PITPNM3: variants seen among roughly 807,000 people sequenced by gnomAD.
PITPNM3 encodes the protein membrane-associated phosphatidylinositol transfer protein 3.
A neutral mutation model predicts 102.0 loss-of-function variants in PITPNM3; 26 were observed. That is an observed-to-expected ratio of 0.25 (90% confidence interval 0.19 to 0.35). The LOEUF (loss-of-function observed/expected upper bound fraction) is 0.35, where lower values mean the gene tolerates loss of function less well. Among genes scored for constraint, PITPNM3 ranks in the 10% least tolerant of loss-of-function variants. PITPNM3 has a pLI of 1.00. For missense variants in PITPNM3, 1,083 were observed against 1,346.1 expected, an observed-to-expected ratio of 0.80 and a Z score of 3.06; for synonymous variants, 578 against 558.6, an observed-to-expected ratio of 1.03 and a Z score of -0.49.
At position 6,556,462 on chromosome 17, in the gene PITPNM3, C is replaced by G; in HGVS notation, c.-56G>C. ...GCGCGCTCCTCGCGCTTCCCGGGCC[C>G]GGCCCCGACCGCCTCCGGCCCCGAA... On this transcript the variant is annotated 5_prime_UTR_variant, in exon 1 of 20. Transcript: ENST00000262483. The surrounding 1 kb of genome is among the most constrained non-coding windows in gnomAD (Gnocchi z 5.2). The G allele has an allele frequency of 1.8e-6, 2 of 1,133,910 alleles. No homozygotes were observed. The highest frequency in any genetic ancestry group is 2.2e-6 in the Non-Finnish European group (2 of 927,752). 70.2% of individuals were successfully genotyped at this position (1,133,910 alleles called of 1,614,324 possible). A position where few individuals can be genotyped will look rare whatever the true frequency, so the allele number is the denominator to read the frequency against.
chr17:6,487,294 G>A (rs1906154964), intron 4 of PITPNM3, among the ~76,000 whole-genome samples: 1 of 152,202 alleles, frequency 6.6e-6, no homozygotes, highest in Non-Finnish European at 1.5e-5. Flanking sequence ...GCTACCCCAT[G>A]GGGTGGTGGT....
At chr17:6,516,208 G>C (rs377084363) in intron 3 of PITPNM3, among the ~76,000 whole-genome samples, 1 of 152,126 alleles carries the variant, frequency 6.6e-6, no homozygotes, top group East Asian at 1.9e-4. Context: ...AACCCACCAA[G>C]GACCAAGAAA....
At chr17:6,521,075 G>A (rs949415493) in intron 3 of PITPNM3, 1 of 152,260 alleles carries the variant, frequency 6.6e-6, no homozygotes, top group Non-Finnish European at 1.5e-5. Flanking sequence ...TGGTTGCAGA[G>A]CGATGTGAAT....
In PITPNM3 at chr17:6,556,428, C is replaced by A. The variant is rs1309122765; in HGVS notation, c.-22G>T. 4 of 1,261,960 alleles carry A rather than the reference C, an allele frequency of 3.2e-6. No individual in the cohort carries two copies. In the African/African-American group the frequency reaches 6.3e-5, roughly 20 times the overall value. The allele number at this position is 1,261,960 out of a possible 1,614,324, so 78.2% of individuals were successfully genotyped here. A position where few individuals can be genotyped will look rare whatever the true frequency, so the allele number is the denominator to read the frequency against. On this transcript the variant is annotated 5_prime_UTR_variant, in exon 1 of 20. Transcript: ENST00000262483. The surrounding 1 kb of genome is among the most constrained non-coding windows in gnomAD (Gnocchi z 5.2). ...CCATGTCCCGGGCGGCGGGCTCCGG[C>A]GGCGCTACGCGCGCTCCTCGCGCTT...
chr17:6,492,996 C>T (rs1906587163), intron 4 of PITPNM3, among the ~76,000 whole-genome samples: 1 of 151,940 alleles, frequency 6.6e-6, no homozygotes, highest in Non-Finnish European at 1.5e-5. Context: ...GCTGAAAACA[C>T]CAAGACCAAT....
rs943696359 is a variant in PITPNM3, at chr17:6,515,536, G to A, written c.226+9820C>T. Among the ~76,000 whole-genome samples the A allele has an allele frequency of 3.3e-5, 5 of 152,044 alleles. 1 individual carries two copies. The highest frequency in any genetic ancestry group is 7.4e-5 in the Non-Finnish European group (5 of 68,002). ...TACAAAAAGGTGGGTTTTATGGTAT[G>A]GGAATTATATCTCAACTTCTAAAAA... On this transcript the variant is annotated intron_variant, in intron 3 of 19. Transcript: ENST00000262483.
intron 2 of PITPNM3, among the ~76,000 whole-genome samples, chr17:6,533,557 C>A (rs774091037): frequency 6.6e-6 from 1 of 151,260 alleles, no homozygotes; most frequent in East Asian, 2.0e-4. Flanking sequence ...TGGGTTCAAG[C>A]GATTCTCCTG....
Position 6,451,784 on chromosome 17 carries a change from T to G in PITPNM3, c.*3554A>C, listed in dbSNP as rs1913846192. 4.6e-4 allele frequency: 1 copy of G among 2,186 alleles called. No homozygotes were observed. The highest frequency in any genetic ancestry group is 9.0e-4 in the Non-Finnish European group (1 of 1,108). 0.1% of individuals were successfully genotyped at this position (2,186 alleles called of 1,614,324 possible). Reference sequence around the variant, plus strand: ...CCCTAACTATGATTTTTACGAAGGTTTCCCCCAAGCCCGGAAGGAAAGGAA... The same window carrying G: ...CCCTAACTATGATTTTTACGAAGGTGTCCCCCAAGCCCGGAAGGAAAGGAA... On this transcript the variant is annotated 3_prime_UTR_variant, in exon 20 of 20. Transcript: ENST00000262483.
intron 10 of PITPNM3, among the ~76,000 whole-genome samples, chr17:6,474,199 T>G (rs1221005475): frequency 2.0e-5 from 3 of 151,858 alleles, no homozygotes; most frequent in African/African-American, 7.3e-5. Context: ...CCAGGGGCAC[T>G]TGACATGGAG....
At chr17:6,498,390 G>C (rs16955897) in intron 4 of PITPNM3, among the ~76,000 whole-genome samples, 1 of 152,178 alleles carries the variant, frequency 6.6e-6, no homozygotes, top group African/African-American at 2.4e-5. Flanking sequence ...GAAAGTGGTC[G>C]GGTAAGGTTG....
In PITPNM3 at chr17:6,458,892, G is replaced by A. The variant is rs1027554449; in HGVS notation, c.2491-1170C>T. 1.3e-5 allele frequency among the ~76,000 whole-genome samples: 2 copies of A among 151,748 alleles called. No homozygotes were observed. Among genetic ancestry groups the A allele is most frequent in the Non-Finnish European group, 1.5e-5 (1 of 67,966 alleles). Reference sequence around the variant, plus strand: ...AGAGCTGCTAAAGAAACAGAGCCACGCAGCTCTCACCTTCCATCTTCTTCC... The same window carrying A: ...AGAGCTGCTAAAGAAACAGAGCCACACAGCTCTCACCTTCCATCTTCTTCC... On this transcript the variant is annotated intron_variant, in intron 18 of 19. Coordinates refer to ENST00000262483, the MANE Select transcript of PITPNM3 (RefSeq NM_031220.4). This position sits in a 1 kb window ranked among gnomAD's most constrained non-coding sequence, Gnocchi z 5.1.
intron 4 of PITPNM3, among the ~76,000 whole-genome samples, chr17:6,491,252 G>A (rs929758795): frequency 1.3e-5 from 2 of 151,970 alleles, no homozygotes; most frequent in African/African-American, 4.8e-5. Flanking sequence ...CAAGGGCTTA[G>A]GGGCATCTGG....
At chr17:6,482,040 G>GTCTCTCTCTCTCTCTC (rs56855120) in intron 6 of PITPNM3, among the ~76,000 whole-genome samples, 2 of 55,184 alleles carry the variant, frequency 3.6e-5, no homozygotes, top group African/African-American at 4.9e-5. Flanking sequence ...CTCTCTGTCT[G>GTCTCTCTCTCTCTCTC]TCTCTCTCTC....
At chr17:6,486,501 T>C (rs1906104605) in intron 4 of PITPNM3, among the ~76,000 whole-genome samples, 1 of 152,160 alleles carries the variant, frequency 6.6e-6, no homozygotes. Context: ...GGGAAGAGCA[T>C]TTCTGAAATA....
chr17:6,499,134 G>A (rs1464645424), intron 4 of PITPNM3, among the ~76,000 whole-genome samples: 1 of 150,982 alleles, frequency 6.6e-6, no homozygotes, highest in African/African-American at 2.4e-5. Context: ...CCCCCACCAA[G>A]CCCCCACACA....
At chr17:6,522,106 A>G (rs1432285775) in intron 3 of PITPNM3, among the ~76,000 whole-genome samples, 1 of 152,122 alleles carries the variant, frequency 6.6e-6, no homozygotes, top group Non-Finnish European at 1.5e-5. Context: ...TAGCCTATAA[A>G]ATATTCAAGA....
At chr17:6,461,240 T>C in intron 18 of PITPNM3, 133 bp downstream of exon 18, 4 of 1,143,864 alleles carry the variant, frequency 3.5e-6, no homozygotes, top group Non-Finnish European at 5.1e-6. Context: ...AGAGGGCCCA[T>C]CCAGATCCAC....
chr17:6,466,864 G>GAGT (rs1904799560), intron 14 of PITPNM3, among the ~76,000 whole-genome samples: 1 of 151,884 alleles, frequency 6.6e-6, no homozygotes, highest in Admixed American at 6.6e-5. Context: ...GGCCAACATG[G>GAGT]CGAAACTCCA....
intron 9 of PITPNM3, 103 bp from the exon 10 acceptor site, chr17:6,474,707 C>A: frequency 1.5e-6 from 2 of 1,365,436 alleles, no homozygotes; most frequent in South Asian, 1.4e-5. Flanking sequence ...GTGAAGTGCC[C>A]AACCCTCCAT....
Sources: gnomAD v4.1 joint callset for allele counts (sites outside exome capture counted in the v4.1 genomes callset) on GRCh38, gnomAD v4.1.1 for gene constraint, Gnocchi (gnomAD v3.1) non-coding constraint, MANE v1.5 for transcripts, NCBI Gene and HGNC (gene_info 2026-07-23, HGNC 2026-07-21) for gene names.